Variants in USP30 observed in about 807,000 individuals in gnomAD.
USP30 encodes ubiquitin carboxyl-terminal hydrolase 30.
USP30 carries 41 observed loss-of-function variants against 68.2 expected under a neutral mutation model. The ratio of observed to expected loss-of-function variants is 0.60; its 90% CI spans 0.47 to 0.78. USP30 has a LOEUF of 0.78. Among genes scored for constraint, USP30 ranks in the 30% least tolerant of loss-of-function variants. USP30 has a pLI of 0.00. For synonymous variants in USP30, 229 were observed against 253.7 expected (o/e 0.90, Z 0.93); for missense variants, 522 against 649.4 (o/e 0.80, Z 2.13).
intron 9 of USP30, chr12:109,082,447 T>G (rs1407644486): frequency 1.7e-6 from 1 of 583,242 alleles, no homozygotes. Context: ...GCATCAGTGT[T>G]CGCTCTTCAC....
intron 1 of USP30, chr12:109,054,022 T>C (rs1238837300): frequency 2.4e-5 from 11 of 455,896 alleles, no homozygotes; most frequent in Non-Finnish European, 4.4e-5. Flanking sequence ...CCTGCATCTG[T>C]GGGGTTGTTT....
At chr12:109,027,407 G>A (rs1566073757) in intron 2 of USP30, 1 of 152,144 alleles carries the variant, frequency 6.6e-6, no homozygotes, top group Non-Finnish European at 1.5e-5. Flanking sequence ...GGAGTGGCTG[G>A]AACTACAGGT....
At chr12:109,055,400 A>ATATATATTT (rs1298811530) in intron 1 of USP30, among the ~76,000 whole-genome samples, 1 of 24,468 alleles carries the variant, frequency 4.1e-5, no homozygotes, top group African/African-American at 1.1e-4. Context: ...ATATATATAT[A>ATATATATTT]TTTTTTTTTT....
At chr12:109,061,327 G>A (rs1223330292) in intron 3 of USP30, among the ~76,000 whole-genome samples, 1 of 150,730 alleles carries the variant, frequency 6.6e-6, no homozygotes, top group African/African-American at 2.4e-5. Flanking sequence ...AGCCATCCTT[G>A]GGCTGCTGTC....
intron 3 of USP30, among the ~76,000 whole-genome samples, chr12:109,030,183 C>A (rs908336156): frequency 1.3e-5 from 2 of 152,168 alleles, no homozygotes; most frequent in Non-Finnish European, 2.9e-5. Flanking sequence ...TGGGCACCAG[C>A]TTTGGAGTCA....
intron 3 of USP30, among the ~76,000 whole-genome samples, chr12:109,032,861 G>T (rs2040492172): frequency 6.6e-6 from 1 of 152,130 alleles, no homozygotes; most frequent in Admixed American, 6.5e-5. Context: ...AAGCCAGATG[G>T]GTTTTATTTC....
intron 3 of USP30, among the ~76,000 whole-genome samples, chr12:109,061,145 A>G (rs1039688745): frequency 2.0e-5 from 3 of 152,146 alleles, no homozygotes; most frequent in Non-Finnish European, 2.9e-5. Flanking sequence ...ACAGAAATGT[A>G]TATGATGTTA....
chr12:109,043,980 A>C (rs1390451799), intron 3 of USP30, among the ~76,000 whole-genome samples: 1 of 152,232 alleles, frequency 6.6e-6, no homozygotes. Flanking sequence ...GTCCATCAAC[A>C]AAAGAGTGGA....
chr12:109,081,908 T>C (rs1343821441), intron 8 of USP30, 25 bp from the exon 9 acceptor site: 8 of 1,607,502 alleles, frequency 5.0e-6, no homozygotes, highest in South Asian at 1.1e-5. Flanking sequence ...TGAATTGTAG[T>C]AATTTTCTTC....
At chr12:109,081,824 T>C in intron 8 of USP30, 109 bp from the exon 9 acceptor site, 1 of 1,113,028 alleles carries the variant, frequency 9.0e-7, no homozygotes, top group Non-Finnish European at 1.4e-6. Flanking sequence ...TAAAACTTTA[T>C]TGCCTGCATA....
chr12:109,024,217 C>T (rs139832160), intron 1 of USP30, among the ~76,000 whole-genome samples: 67 of 152,254 alleles, frequency 4.4e-4, no homozygotes, highest in African/African-American at 1.5e-3. Context: ...ACTTGGATGG[C>T]ACATAATAAG....
At chr12:109,030,772 C>T (rs761218952) in intron 3 of USP30, among the ~76,000 whole-genome samples, 9 of 152,180 alleles carry the variant, frequency 5.9e-5, no homozygotes, top group Admixed American at 1.3e-4. Context: ...CCTGCCACCA[C>T]GCCTGGCCAA....
At chr12:109,025,778 G>A (rs76113917) in intron 2 of USP30, among the ~76,000 whole-genome samples, 7,989 of 151,674 alleles carry the variant, frequency 0.053, 687 homozygotes, top group Admixed American at 0.23. Context: ...TCCTGCCTCA[G>A]CCCAGCTCTA....
Position 109,085,958 on chromosome 12 carries a change from G to A in USP30, c.*27G>A. ...TGTGCCCTCCTGCAAGGCTAGAGCT[G>A]ATGGCACTGTCTGCACTGTCCAGGA... On this transcript the variant is annotated 3_prime_UTR_variant, in exon 13 of 13. Transcript: ENST00000257548. 6.2e-7 allele frequency: 1 copy of A among 1,606,368 alleles called. No homozygotes were observed. Among genetic ancestry groups the A allele is most frequent in the Non-Finnish European group, 8.5e-7 (1 of 1,175,518 alleles).
At position 109,073,527 on chromosome 12, in the gene USP30, C is replaced by T; in HGVS notation, c.715C>T (p.His239Tyr). The change falls in exon 7 of 13, where the codon CAC (histidine) becomes TAC (tyrosine). Residue 239 changes from histidine (H) to tyrosine (Y), a missense_variant. His to Tyr is a moderately conservative substitution (Grantham distance 83, BLOSUM62 2). Transcript: ENST00000257548. ...TSNMVCKHCE[H>Y]QSPVRFDTFD... Reference sequence around the variant, plus strand: ...TAATATGGTCTGCAAACACTGTGAACACCAGGTAAATACAATACCAACACT... The same window carrying T: ...TAATATGGTCTGCAAACACTGTGAATACCAGGTAAATACAATACCAACACT... The T allele has an allele frequency of 6.2e-7, 1 of 1,611,354 alleles. No homozygotes were observed. Among genetic ancestry groups the T allele is most frequent in the Non-Finnish European group, 8.5e-7 (1 of 1,177,450 alleles).
chr12:109,076,633 A>G (rs1370683290), intron 7 of USP30, among the ~76,000 whole-genome samples: 1 of 152,058 alleles, frequency 6.6e-6, no homozygotes, highest in Non-Finnish European at 1.5e-5. Context: ...TTTTGTAATG[A>G]ATAGTGATTG....
rs577141492 is a variant in USP30 at position 109,066,464 on chromosome 12, C to A, written c.377-1060C>A. 2.0e-5 allele frequency among the ~76,000 whole-genome samples: 3 copies of A among 152,224 alleles called. No homozygotes were observed. In the East Asian group the frequency reaches 5.8e-4, roughly 29 times the overall value. ...ACTTTGAGAGGTTGAGGTGGGCGAT[C>A]ATGAGGTTAGGAGTTCGAGACCAGC... On this transcript the variant is annotated intron_variant, in intron 3 of 12. Coordinates refer to ENST00000257548, the MANE Select transcript of USP30 (RefSeq NM_032663.5).
At chr12:109,056,196 GT>G (rs1467239099) in intron 1 of USP30, among the ~76,000 whole-genome samples, 64 of 152,132 alleles carry the variant, frequency 4.2e-4, no homozygotes, top group Middle Eastern at 3.4e-3. Flanking sequence ...TGTTGTTGTT[GT>G]TGTTGTTTTT....
At chr12:109,039,247 A>G (rs1356697031) in intron 3 of USP30, among the ~76,000 whole-genome samples, 1 of 152,126 alleles carries the variant, frequency 6.6e-6, no homozygotes, top group Non-Finnish European at 1.5e-5. Flanking sequence ...GTAGATCTAT[A>G]ATTCATTTCA....
Sources: allele counts gnomAD v4.1 joint callset (sites outside exome capture counted in the v4.1 genomes callset), GRCh38; gene constraint gnomAD v4.1.1; transcripts MANE v1.5; gene names NCBI Gene and HGNC (gene_info 2026-07-23, HGNC 2026-07-21).